Variants in FRMD4B observed in about 807,000 individuals in gnomAD.
The protein encoded by FRMD4B is FERM domain containing 4B.
Under a neutral mutation model 141.5 loss-of-function variants are expected in FRMD4B, and 74 were observed. The observed-to-expected ratio is 0.52, with a 90% CI of 0.43 to 0.63. The LOEUF (loss-of-function observed/expected upper bound fraction) is 0.63, where lower values mean the gene tolerates loss of function less well. FRMD4B is among the 30% of genes least tolerant of loss of function. The pLI, the probability that FRMD4B is intolerant of heterozygous loss-of-function variation, is 0.00. For missense variants in FRMD4B, 1,366 were observed against 1,253.4 expected (o/e 1.09, Z -1.36); for synonymous variants, 506 against 467.9 (o/e 1.08, Z -1.05).
intron 1 of FRMD4B, among the ~76,000 whole-genome samples, chr3:69,500,305 G>A (rs1012337897): frequency 1.3e-5 from 2 of 152,208 alleles, no homozygotes; most frequent in Non-Finnish European, 2.9e-5. Flanking sequence ...ATTTTATAAC[G>A]TCAGCTGCAC....
At chr3:69,247,030 T>C (rs1456675431) in intron 7 of FRMD4B, among the ~76,000 whole-genome samples, 1 of 152,176 alleles carries the variant, frequency 6.6e-6, no homozygotes, top group Non-Finnish European at 1.5e-5. Flanking sequence ...TATTACAGCT[T>C]CTTCAGACCA....
intron 1 of FRMD4B, among the ~76,000 whole-genome samples, chr3:69,518,352 C>T (rs1383250206): frequency 6.6e-6 from 1 of 152,126 alleles, no homozygotes; most frequent in Non-Finnish European, 1.5e-5. Flanking sequence ...CGAGTCCCTT[C>T]TTCCCTTCTT....
intron 1 of FRMD4B, among the ~76,000 whole-genome samples, chr3:69,509,976 T>C (rs563676666): frequency 1.3e-5 from 2 of 151,592 alleles, no homozygotes; most frequent in East Asian, 4.0e-4. Context: ...AGCTTCTACA[T>C]GCACTGGGAA....
chr3:69,479,285 C>T (rs1343317160), intron 1 of FRMD4B, among the ~76,000 whole-genome samples: 2 of 151,306 alleles, frequency 1.3e-5, no homozygotes, highest in Non-Finnish European at 2.9e-5. Flanking sequence ...TTAGTTGATG[C>T]AGTTTCTTCC....
intron 1 of FRMD4B, among the ~76,000 whole-genome samples, chr3:69,498,378 AT>A (rs1559546236): frequency 6.6e-6 from 1 of 152,224 alleles, no homozygotes; most frequent in Non-Finnish European, 1.5e-5. Flanking sequence ...TATCTCCTGA[AT>A]AACAAAGAGT....
In FRMD4B at chr3:69,385,816, G is replaced by T. The variant is rs1704237232; in HGVS notation, c.162+12C>A. 1.3e-6 allele frequency: 2 copies of T among 1,537,170 alleles called. No individual in the cohort carries two copies. Among genetic ancestry groups the T allele is most frequent in the East Asian group, 4.9e-5 (2 of 41,070 alleles). ...CTGCTGGGGCCCTCGGGTGCCGCGC[G>T]CTCCAGCTCACCTGGTACACGTCCT... On this transcript the variant is annotated intron_variant, in intron 1 of 22. Coordinates refer to ENST00000398540, the MANE Select transcript of FRMD4B (RefSeq NM_015123.3).
intron 7 of FRMD4B, among the ~76,000 whole-genome samples, chr3:69,245,707 A>G (rs1201639959): frequency 6.9e-6 from 1 of 144,762 alleles, no homozygotes; most frequent in East Asian, 2.0e-4. Context: ...TCTGTCATCC[A>G]GGATGGAGTG....
chr3:69,444,025 G>C (rs1420293449), intron 1 of FRMD4B, among the ~76,000 whole-genome samples: 1 of 144,524 alleles, frequency 6.9e-6, no homozygotes, highest in Non-Finnish European at 1.5e-5. Flanking sequence ...ACCCATACCA[G>C]GGACTCAGCT....
At position 69,447,891 on chromosome 3, in the gene FRMD4B, T is replaced by C. The variant is rs115513069; in HGVS notation, c.-128-15130A>G. ...CATATTAGTAGTTTGTTATTTTGTA[T>C]GGTTTCATTTTATAGTATTCTATTG... On this transcript the variant is annotated intron_variant, in intron 1 of 5. Coordinates refer to the FRMD4B transcript ENST00000459638. 3.4e-3 allele frequency among the ~76,000 whole-genome samples: 519 copies of C among 152,346 alleles called. 4 individuals are homozygous for C. Among genetic ancestry groups the C allele is most frequent in the African/African-American group, 0.012 (504 of 41,578 alleles).
intron 2 of FRMD4B, among the ~76,000 whole-genome samples, chr3:69,413,282 T>C (rs540861326): frequency 2.0e-5 from 3 of 152,324 alleles, no homozygotes; most frequent in African/African-American, 7.2e-5. Flanking sequence ...TCAATGACTC[T>C]ATAATGTAGG....
chr3:69,481,660 T>C (rs1706127157), intron 1 of FRMD4B, among the ~76,000 whole-genome samples: 1 of 152,140 alleles, frequency 6.6e-6, no homozygotes, highest in Non-Finnish European at 1.5e-5. Flanking sequence ...CACTGACTTT[T>C]CCTATAAGGA....
chr3:69,306,101 A>C (rs1701383939), intron 3 of FRMD4B, among the ~76,000 whole-genome samples: 1 of 152,230 alleles, frequency 6.6e-6, no homozygotes, highest in Admixed American at 6.5e-5. Context: ...GATTTTAAAA[A>C]ATCCACCCAC....
intron 1 of FRMD4B, among the ~76,000 whole-genome samples, chr3:69,467,215 T>C (rs1414233163): frequency 6.6e-6 from 1 of 152,192 alleles, no homozygotes; most frequent in Non-Finnish European, 1.5e-5. Flanking sequence ...CATGTCACTT[T>C]GGTTCTCCAA....
At chr3:69,420,228 G>T (rs1704948537) in intron 2 of FRMD4B, among the ~76,000 whole-genome samples, 1 of 146,434 alleles carries the variant, frequency 6.8e-6, no homozygotes, top group Non-Finnish European at 1.5e-5. Flanking sequence ...AAGGGGCGTG[G>T]CTTGATTAAA....
chr3:69,417,703 C>T (rs1030507251), intron 2 of FRMD4B, among the ~76,000 whole-genome samples: 5 of 152,220 alleles, frequency 3.3e-5, no homozygotes, highest in African/African-American at 1.2e-4. Context: ...TTAATTTCAT[C>T]TGGCTACCGT....
chr3:69,461,883 G>A (rs1158105287), intron 1 of FRMD4B, among the ~76,000 whole-genome samples: 1 of 152,080 alleles, frequency 6.6e-6, no homozygotes, highest in Non-Finnish European at 1.5e-5. Flanking sequence ...GTCCCGTTTG[G>A]ATGACAAATA....
intron 1 of FRMD4B, among the ~76,000 whole-genome samples, chr3:69,440,491 T>C (rs548137730): frequency 6.6e-6 from 1 of 152,352 alleles, no homozygotes; most frequent in East Asian, 1.9e-4. Context: ...TTTTATTCTT[T>C]CACAAAACTC....
chr3:69,455,270 T>C (rs377010161), intron 1 of FRMD4B, among the ~76,000 whole-genome samples: 85 of 152,362 alleles, frequency 5.6e-4, no homozygotes, highest in African/African-American at 2.0e-3. Flanking sequence ...GCCACAGCAG[T>C]GATAGGTTCA....
intron 11 of FRMD4B, among the ~76,000 whole-genome samples, chr3:69,203,941 T>C (rs1475524496): frequency 6.6e-6 from 1 of 152,206 alleles, no homozygotes; most frequent in Non-Finnish European, 1.5e-5. Flanking sequence ...TTAACATATC[T>C]GTGTCACTCA....
Sources: gnomAD v4.1 joint callset for allele counts (sites outside exome capture counted in the v4.1 genomes callset) on GRCh38, gnomAD v4.1.1 for gene constraint, MANE v1.5 for transcripts, NCBI Gene and HGNC (gene_info 2026-07-23, HGNC 2026-07-21) for gene names.